Variants in DACH1 observed in about 807,000 individuals in gnomAD.
The protein encoded by DACH1 is dachshund family transcription factor 1.
Under a neutral mutation model 54.2 loss-of-function variants are expected in DACH1, and 12 were observed. That is an observed-to-expected ratio of 0.22 (90% CI 0.14 to 0.36). The LOEUF is 0.36. DACH1 is among the 10% of genes least tolerant of loss of function. The probability of loss-of-function intolerance (pLI) is 1.00; values close to 1 mark genes in which losing one functional copy is unlikely to be tolerated. For synonymous variants in DACH1, 386 were observed against 366.2 expected (o/e 1.05, Z -0.62); for missense variants, 805 against 929.8 (o/e 0.87, Z 1.75).
At chr13:71,849,996 G>A (rs79923598) in intron 1 of DACH1, among the ~76,000 whole-genome samples, 2,355 of 152,202 alleles carry the variant, frequency 0.015, 71 homozygotes, top group African/African-American at 0.054. Context: ...GTATACATAC[G>A]CTTACACTCC....
intron 6 of DACH1, among the ~76,000 whole-genome samples, chr13:71,540,122 A>G (rs1883038744): frequency 6.6e-6 from 1 of 151,952 alleles, no homozygotes; most frequent in South Asian, 2.1e-4. Flanking sequence ...TATAATTGGA[A>G]AATGTTTCCA....
chr13:71,841,725 C>T (rs1872868922), intron 1 of DACH1, among the ~76,000 whole-genome samples: 1 of 152,150 alleles, frequency 6.6e-6, no homozygotes, highest in Admixed American at 6.5e-5. Flanking sequence ...ACAATCTGCA[C>T]TTTCTAAGGT....
intron 1 of DACH1, among the ~76,000 whole-genome samples, chr13:71,790,672 T>G (rs1886796713): frequency 1.3e-5 from 2 of 152,222 alleles, no homozygotes; most frequent in Admixed American, 6.5e-5. Context: ...TCAATCTCTC[T>G]TACATAGAAG....
intron 3 of DACH1, among the ~76,000 whole-genome samples, chr13:71,616,640 G>C (rs1875787829): frequency 1.3e-5 from 2 of 152,110 alleles, no homozygotes; most frequent in African/African-American, 4.8e-5. Flanking sequence ...GGAGGCTGAG[G>C]CAGGAGGATC....
At chr13:71,773,217 G>A (rs1048658874) in intron 1 of DACH1, among the ~76,000 whole-genome samples, 2 of 151,662 alleles carry the variant, frequency 1.3e-5, no homozygotes, top group South Asian at 2.1e-4. Flanking sequence ...TGAACTTTCC[G>A]CTACATTTTC....
chr13:71,663,106 CTA>C (rs1199778447), intron 2 of DACH1, among the ~76,000 whole-genome samples: 2 of 149,368 alleles, frequency 1.3e-5, no homozygotes, highest in Non-Finnish European at 3.0e-5. Flanking sequence ...TATTTAATGA[CTA>C]TGAATATTTT....
intron 6 of DACH1, among the ~76,000 whole-genome samples, chr13:71,510,684 G>A (rs1234580209): frequency 1.3e-5 from 2 of 151,940 alleles, no homozygotes; most frequent in Non-Finnish European, 2.9e-5. Flanking sequence ...ACTCAAAACT[G>A]TGTTTTAAGG....
intron 2 of DACH1, among the ~76,000 whole-genome samples, chr13:71,636,497 G>T (rs537392024): frequency 1.3e-5 from 2 of 150,826 alleles, no homozygotes; most frequent in Non-Finnish European, 3.0e-5. Context: ...TTCCAAACAA[G>T]AAACGATGAC....
At chr13:71,673,024 G>T (rs1277961709) in intron 2 of DACH1, among the ~76,000 whole-genome samples, 6 of 152,132 alleles carry the variant, frequency 3.9e-5, no homozygotes. Flanking sequence ...CTTCATTATG[G>T]GAAATCTACT....
At chr13:71,510,207 G>C (rs189186846) in intron 6 of DACH1, among the ~76,000 whole-genome samples, 1 of 151,982 alleles carries the variant, frequency 6.6e-6, no homozygotes, top group East Asian at 1.9e-4. Flanking sequence ...TTAAGCTTAA[G>C]ACATAACAGG....
chr13:71,669,342 T>C (rs1880073334), intron 2 of DACH1, among the ~76,000 whole-genome samples: 1 of 152,108 alleles, frequency 6.6e-6, no homozygotes. Flanking sequence ...GTGAGGACAT[T>C]AGAGTTTCAT....
chr13:71,492,683 C>CT (rs879568902), intron 6 of DACH1, among the ~76,000 whole-genome samples: 162 of 144,614 alleles, frequency 1.1e-3, no homozygotes, highest in African/African-American at 2.1e-3. Context: ...CATTTTGTCA[C>CT]TTTTTTTTTT....
At chr13:71,598,891 G>A (rs868706003) in intron 3 of DACH1, among the ~76,000 whole-genome samples, 84 of 152,202 alleles carry the variant, frequency 5.5e-4, no homozygotes, top group African/African-American at 1.9e-3. Context: ...CATTTGCAAA[G>A]GAGCATAATC....
intron 1 of DACH1, among the ~76,000 whole-genome samples, chr13:71,812,727 T>C (rs1200150868): frequency 6.6e-6 from 1 of 152,070 alleles, no homozygotes; most frequent in Non-Finnish European, 1.5e-5. Context: ...AACTTGAGAT[T>C]CCTCTTAATA....
Position 71,857,031 on chromosome 13 carries a change from A to G in DACH1, c.848+8891T>C, listed in dbSNP as rs537345354. On this transcript the variant is annotated intron_variant, in intron 1 of 10. Transcript: ENST00000613252. ...CTAAGTGCAAGAAGCAATGAAATAA[A>G]CCAATAAAAGAAAGAGAGCAAGGGC... Among the ~76,000 whole-genome samples, 5 of 152,004 alleles carry G rather than the reference A, an allele frequency of 3.3e-5. No individual in the cohort carries two copies. In the South Asian group the frequency reaches 6.2e-4, roughly 19 times the overall value.
intron 1 of DACH1, among the ~76,000 whole-genome samples, chr13:71,737,586 T>G (rs1426887320): frequency 6.6e-6 from 1 of 152,228 alleles, no homozygotes; most frequent in African/African-American, 2.4e-5. Flanking sequence ...TAGATTGACT[T>G]ATTTTATAAT....
chr13:71,584,674 AT>A (rs1204934796), intron 3 of DACH1, among the ~76,000 whole-genome samples: 1 of 152,156 alleles, frequency 6.6e-6, no homozygotes, highest in Non-Finnish European at 1.5e-5. Context: ...TTCAAAAAAA[AT>A]ATTTTTTGAA....
At chr13:71,718,396 G>A (rs757186122) in intron 1 of DACH1, among the ~76,000 whole-genome samples, 5 of 151,812 alleles carry the variant, frequency 3.3e-5, no homozygotes, top group Non-Finnish European at 7.4e-5. Context: ...ACCAGTCTGG[G>A]CAACATAGCG....
chr13:71,502,762 A>G (rs545110424), intron 6 of DACH1, among the ~76,000 whole-genome samples: 6 of 152,316 alleles, frequency 3.9e-5, no homozygotes, highest in African/African-American at 1.2e-4. Flanking sequence ...TGTCACCATA[A>G]GAACCTTGTG....
Sources: gnomAD v4.1 joint callset for allele counts (sites outside exome capture counted in the v4.1 genomes callset) on GRCh38, gnomAD v4.1.1 for gene constraint, MANE v1.5 for transcripts, NCBI Gene and HGNC (gene_info 2026-07-23, HGNC 2026-07-21) for gene names.